Variants in CNTN3 observed in about 807,000 individuals in gnomAD.
The protein encoded by CNTN3 is contactin 3.
Under a neutral mutation model 119.1 loss-of-function variants are expected in CNTN3, and 60 were observed. The ratio of observed to expected loss-of-function variants is 0.50; its 90% CI spans 0.41 to 0.62. The LOEUF is 0.62. CNTN3 is among the 20% of genes least tolerant of loss of function. CNTN3 has a pLI of 0.00. For synonymous variants in CNTN3, 450 were observed against 438.7 expected (o/e 1.03, Z -0.32); for missense variants, 1,101 against 1,242.4 (o/e 0.89, Z 1.71).
intron 1 of CNTN3, among the ~76,000 whole-genome samples, chr3:74,592,440 T>C (rs1382131317): frequency 6.6e-6 from 1 of 151,520 alleles, no homozygotes; most frequent in East Asian, 2.0e-4. Context: ...ACGCTTACTC[T>C]AAAAATCACT....
At chr3:74,482,895 T>G (rs546254670) in intron 4 of CNTN3, among the ~76,000 whole-genome samples, 1 of 152,262 alleles carries the variant, frequency 6.6e-6, no homozygotes, top group South Asian at 2.1e-4. Context: ...AAAGCAATGC[T>G]CTACTGTAGC....
intron 4 of CNTN3, among the ~76,000 whole-genome samples, chr3:74,459,115 G>T (rs980673748): frequency 6.6e-6 from 1 of 151,992 alleles, no homozygotes; most frequent in African/African-American, 2.4e-5. Context: ...CTCCTCAGGG[G>T]TCAGTCCCTG....
At chr3:74,599,102 C>G (rs1177722144) in intron 1 of CNTN3, among the ~76,000 whole-genome samples, 4 of 151,992 alleles carry the variant, frequency 2.6e-5, no homozygotes, top group Non-Finnish European at 5.9e-5. Context: ...TGCTAAAAAT[C>G]TGAACTACAT....
intron 1 of CNTN3, among the ~76,000 whole-genome samples, chr3:74,548,138 TCTAA>T (rs991926522): frequency 1.3e-5 from 2 of 152,164 alleles, no homozygotes; most frequent in African/African-American, 4.8e-5. Context: ...AGTCCACCAA[TCTAA>T]CTGTCTATTT....
chr3:74,466,850 AT>A (rs1702470555), intron 4 of CNTN3, among the ~76,000 whole-genome samples: 1 of 152,166 alleles, frequency 6.6e-6, no homozygotes, highest in Admixed American at 6.6e-5. Flanking sequence ...GTCATTATGT[AT>A]TAGTATTACT....
At chr3:74,451,464 T>C (rs1702153995) in intron 4 of CNTN3, among the ~76,000 whole-genome samples, 1 of 152,180 alleles carries the variant, frequency 6.6e-6, no homozygotes, top group South Asian at 2.1e-4. Context: ...TTTTGTGGGT[T>C]GCCTGTTCAC....
At chr3:74,613,557 C>T (rs1190457398) in intron 1 of CNTN3, among the ~76,000 whole-genome samples, 1 of 152,100 alleles carries the variant, frequency 6.6e-6, no homozygotes. Context: ...GACACATCTC[C>T]TTGTTGTAAA....
At chr3:74,498,716 T>G (rs1442256500) in intron 3 of CNTN3, among the ~76,000 whole-genome samples, 3 of 151,806 alleles carry the variant, frequency 2.0e-5, no homozygotes, top group African/African-American at 4.8e-5. Context: ...CATTTAAAAT[T>G]TTATTAATAC....
chr3:74,322,491 A>T (rs1483031205), intron 13 of CNTN3, among the ~76,000 whole-genome samples: 1 of 152,200 alleles, frequency 6.6e-6, no homozygotes, highest in East Asian at 1.9e-4. Flanking sequence ...CACTGACAAC[A>T]TAAAATTCTG....
rs147867967 is a variant in CNTN3 at position 74,338,424 on chromosome 3, A to G, written c.1365-1766T>C. ...TATATATACATATGTGTATACATAT[A>G]TGTGTATATACACATATATACACAC... On this transcript the variant is annotated intron_variant, in intron 11 of 22. Transcript: ENST00000263665. Among the ~76,000 whole-genome samples the G allele has an allele frequency of 9.8e-4, 147 of 150,288 alleles. 1 individual carries two copies. The highest frequency in any genetic ancestry group is 1.3e-4 in the Non-Finnish European group (9 of 67,954).
chr3:74,550,003 A>T (rs1229936192), intron 1 of CNTN3, among the ~76,000 whole-genome samples: 1 of 152,194 alleles, frequency 6.6e-6, no homozygotes, highest in Non-Finnish European at 1.5e-5. Context: ...GATGATTCTG[A>T]CAGAACTGCC....
At chr3:74,340,140 A>G (rs1335542014) in intron 11 of CNTN3, among the ~76,000 whole-genome samples, 1 of 152,170 alleles carries the variant, frequency 6.6e-6, no homozygotes, top group Admixed American at 6.6e-5. Flanking sequence ...TATTTAAAGT[A>G]TATGGGAGGA....
chr3:74,332,708 CG>C (rs1305281559), intron 13 of CNTN3, among the ~76,000 whole-genome samples: 2 of 152,158 alleles, frequency 1.3e-5, no homozygotes, highest in Non-Finnish European at 2.9e-5. Flanking sequence ...ACAGAGGAAC[CG>C]TATTGGATAA....
chr3:74,370,206 C>A (rs375968444), intron 6 of CNTN3, among the ~76,000 whole-genome samples: 1 of 151,816 alleles, frequency 6.6e-6, no homozygotes, highest in Non-Finnish European at 1.5e-5. Context: ...TTTAGTGGTG[C>A]TTTTTAGCCT....
intron 1 of CNTN3, among the ~76,000 whole-genome samples, chr3:74,556,526 C>T (rs1266366781): frequency 5.3e-5 from 8 of 152,028 alleles, no homozygotes; most frequent in Admixed American, 5.2e-4. Flanking sequence ...CCATACTTTG[C>T]TTATTCATTC....
At chr3:74,364,369 G>A (rs1441027021) in intron 10 of CNTN3, 98 bp downstream of exon 10, 12 of 1,108,836 alleles carry the variant, frequency 1.1e-5, no homozygotes, top group Middle Eastern at 2.1e-4. Flanking sequence ...ATTATTAGAT[G>A]TAGGAACCTA....
chr3:74,490,371 T>C (rs765460799), intron 3 of CNTN3, among the ~76,000 whole-genome samples: 2 of 152,270 alleles, frequency 1.3e-5, no homozygotes, highest in South Asian at 4.1e-4. Flanking sequence ...GCAGTTTTTA[T>C]AGGAAAAAAC....
At chr3:74,453,721 GTT>G (rs1559610841) in intron 4 of CNTN3, among the ~76,000 whole-genome samples, 24 of 150,340 alleles carry the variant, frequency 1.6e-4, no homozygotes, top group Non-Finnish European at 2.7e-4. Context: ...TTGTGTCTTT[GTT>G]CTCGTTGGTT....
At chr3:74,293,058 A>T (rs1158955961) in intron 19 of CNTN3, among the ~76,000 whole-genome samples, 1 of 152,164 alleles carries the variant, frequency 6.6e-6, no homozygotes, top group African/African-American at 2.4e-5. Flanking sequence ...TCTGTCTCTG[A>T]TCAGGCTTCT....
Sources: allele counts gnomAD v4.1 joint callset (sites outside exome capture counted in the v4.1 genomes callset), GRCh38; gene constraint gnomAD v4.1.1; transcripts MANE v1.5; gene names NCBI Gene and HGNC (gene_info 2026-07-23, HGNC 2026-07-21).